The following EZR variants were observed in gnomAD, a reference collection of about 807,000 sequenced individuals.
EZR encodes the protein cytovillin 2.
A neutral mutation model predicts 74.8 loss-of-function variants in EZR; 40 were observed. The ratio of observed to expected loss-of-function variants is 0.53; its 90% CI spans 0.42 to 0.70. The LOEUF (loss-of-function observed/expected upper bound fraction) is 0.70. Ranked by LOEUF, EZR falls within the 30% of genes least tolerant of loss-of-function variation. EZR has a pLI of 0.00. For synonymous variants in EZR, 341 were observed against 283.3 expected (o/e 1.20, Z -2.05); for missense variants, 678 against 755.8 (o/e 0.90, Z 1.21).
chr6:158,818,708 C>G (rs1347728046), intron 1 of EZR, among the ~76,000 whole-genome samples: 1 of 147,226 alleles, frequency 6.8e-6, no homozygotes, highest in Non-Finnish European at 1.5e-5. Flanking sequence ...GGGGAAAGGC[C>G]CGGGGAGAGG....
intron 2 of EZR, among the ~76,000 whole-genome samples, chr6:158,792,243 C>A (rs973083452): frequency 2.0e-5 from 3 of 150,374 alleles, no homozygotes; most frequent in Non-Finnish European, 4.4e-5. Context: ...GAGATGGAGT[C>A]TCCTCTGTCG....
chr6:158,774,320 C>G (rs767775468), intron 8 of EZR, among the ~76,000 whole-genome samples: 5 of 152,144 alleles, frequency 3.3e-5, no homozygotes, highest in Non-Finnish European at 7.4e-5. Context: ...TGGCTCCTGC[C>G]CAACCTGCCT....
At chr6:158,812,666 A>G (rs1314629326) in intron 2 of EZR, among the ~76,000 whole-genome samples, 2 of 152,190 alleles carry the variant, frequency 1.3e-5, no homozygotes, top group African/African-American at 4.8e-5. Flanking sequence ...GTAATGAAAG[A>G]AGGCAAGGAC....
Position 158,810,887 on chromosome 6 carries a change from T to C in EZR, c.12+7195A>G, listed in dbSNP as rs141203065. Reference sequence around the variant, plus strand: ...TTATCTTATGTAACATTCTTTCCACTTAAAAACTAACTCCCATTTTACGGC... The same window carrying C: ...TTATCTTATGTAACATTCTTTCCACCTAAAAACTAACTCCCATTTTACGGC... On this transcript the variant is annotated intron_variant, in intron 2 of 13. Transcript: ENST00000367075. 8.5e-5 allele frequency among the ~76,000 whole-genome samples: 13 copies of C among 152,326 alleles called. No homozygotes were observed. The East Asian group carries it at 2.3e-3, about 27-fold the overall frequency.
chr6:158,767,335 T>A lies in EZR; in HGVS notation c.1522A>T (p.Ile508Phe). The A allele has an allele frequency of 1.2e-6, 2 of 1,614,120 alleles. No individual in the cohort carries two copies. Among genetic ancestry groups the A allele is most frequent in the East Asian group, 4.5e-5 (2 of 44,874 alleles). ...GYSAELSSEG[I>F]RDDRNEEKRI... ...TTCTCCTCATTGCGGTCATCCCGGA[T>A]GCCCTCACTAGACAGCTCCGCGCTG... Residue 508 changes from isoleucine (I) to phenylalanine (F), a missense_variant, in exon 13 of 14, where the codon ATC becomes TTC. Transcript: ENST00000367075.
At chr6:158,810,186 G>T (rs1285040941) in intron 2 of EZR, among the ~76,000 whole-genome samples, 1 of 152,106 alleles carries the variant, frequency 6.6e-6, no homozygotes, top group African/African-American at 2.4e-5. Context: ...TGCTTTTAAG[G>T]TTTTGTTTTC....
chr6:158,767,505 T>G lies in EZR; in HGVS notation c.1352A>C (p.Glu451Ala), dbSNP rs769531260. 1.4e-5 allele frequency: 22 copies of G among 1,579,764 alleles called. No homozygotes were observed. The highest frequency in any genetic ancestry group is 8.0e-5 in the South Asian group (7 of 87,100). ...EVEEWQHRAKEAQDDLVKTKE... is the reference protein window; with the variant it reads ...EVEEWQHRAKAAQDDLVKTKE... ...GGTCTTCACCAGGTCATCCTGGGCTTCTTTGGCCTTTGGAAAGCAAATTAA... is the reference window on the plus strand; with the variant it reads ...GGTCTTCACCAGGTCATCCTGGGCTGCTTTGGCCTTTGGAAAGCAAATTAA... The change falls in exon 13 of 14, where the codon GAA becomes GCA. Residue 451 changes from glutamate (E) to alanine (A), a missense_variant. Transcript: ENST00000367075.
chr6:158,771,899 TC>T (rs1791122757), intron 8 of EZR, among the ~76,000 whole-genome samples: 1 of 152,100 alleles, frequency 6.6e-6, no homozygotes, highest in African/African-American at 2.4e-5. Flanking sequence ...TATTTGGGCT[TC>T]CTGTCTCCTC....
At chr6:158,780,000 C>A (rs1039587455) in intron 7 of EZR, among the ~76,000 whole-genome samples, 61 of 151,934 alleles carry the variant, frequency 4.0e-4, no homozygotes, top group African/African-American at 1.3e-3. Flanking sequence ...CTGGCCAACA[C>A]AGTGAAACCC....
chr6:158,786,942 C>G (rs908546210), intron 4 of EZR, among the ~76,000 whole-genome samples, 166 bp downstream of exon 4: 3 of 152,162 alleles, frequency 2.0e-5, no homozygotes, highest in African/African-American at 7.2e-5. Context: ...GATTTCCAAT[C>G]GATATCTCCA....
intron 2 of EZR, among the ~76,000 whole-genome samples, chr6:158,816,897 C>A (rs1237465841): frequency 6.6e-6 from 1 of 152,076 alleles, no homozygotes; most frequent in Non-Finnish European, 1.5e-5. Context: ...ACCAGCCTGG[C>A]CAACATGGTG....
At chr6:158,813,237 C>T (rs937957768) in intron 2 of EZR, among the ~76,000 whole-genome samples, 3 of 152,226 alleles carry the variant, frequency 2.0e-5, no homozygotes, top group Admixed American at 6.5e-5. Context: ...AGGGAGGTCA[C>T]GTCCTCAAGG....
intron 10 of EZR, among the ~76,000 whole-genome samples, chr6:158,770,329 A>T (rs922292083): frequency 6.6e-6 from 1 of 152,142 alleles, no homozygotes; most frequent in African/African-American, 2.4e-5. Context: ...CGCCTTGTGT[A>T]ATCGGCCCAG....
At chr6:158,783,296 G>A (rs1338074764) in intron 7 of EZR, among the ~76,000 whole-genome samples, 1 of 150,756 alleles carries the variant, frequency 6.6e-6, no homozygotes, top group Non-Finnish European at 1.5e-5. Flanking sequence ...TACCAGGACT[G>A]AGCCCACTAT....
At position 158,814,366 on chromosome 6, in the gene EZR, CCCCATCA is replaced by C. The variant is rs1562509202; in HGVS notation, c.12+3709_12+3715del. Among the ~76,000 whole-genome samples the C allele has an allele frequency of 8.5e-3, 728 of 85,996 alleles. 3 individuals are homozygous for C. Among genetic ancestry groups the C allele is most frequent in the African/African-American group, 0.038 (685 of 17,914 alleles). 56.4% of individuals were successfully genotyped at this position (85,996 alleles called of 152,430 possible). ...TTTCCCCATCAGATGATTTTCCTTT[CCCCATCA>C]GATTTTCCTCTCGACGTTACCTAGG... is the stretch of plus-strand genomic sequence containing the variant. On this transcript the variant is annotated intron_variant, in intron 2 of 13. Transcript: ENST00000367075.
intron 3 of EZR, among the ~76,000 whole-genome samples, chr6:158,789,044 G>A (rs548678828): frequency 7.9e-5 from 12 of 152,244 alleles, no homozygotes; most frequent in African/African-American, 2.4e-4. Flanking sequence ...CACTGAATCC[G>A]CCTGACTTTA....
At chr6:158,810,957 C>T (rs919835230) in intron 2 of EZR, among the ~76,000 whole-genome samples, 6 of 152,150 alleles carry the variant, frequency 3.9e-5, no homozygotes, top group Non-Finnish European at 8.8e-5. Flanking sequence ...TCCCCAAATA[C>T]AGGTAAGCAG....
At position 158,769,722 on chromosome 6, in the gene EZR, T is replaced by C. The variant is rs182789608; in HGVS notation, c.1251+62A>G. ...CAATTATTACAAGGCAGGTGTCACA[T>C]TTTCCATCCTCAGAAGCAGCCTCTC... On this transcript the variant is annotated intron_variant, in intron 11 of 13. Coordinates refer to ENST00000367075, the MANE Select transcript of EZR (RefSeq NM_001111077.2). 8 of 1,590,808 alleles carry C rather than the reference T, an allele frequency of 5.0e-6. No individual in the cohort carries two copies. The East Asian group carries it at 1.6e-4, about 31-fold the overall frequency.
intron 2 of EZR, among the ~76,000 whole-genome samples, chr6:158,801,123 T>C (rs1777178015): frequency 6.6e-6 from 1 of 152,134 alleles, no homozygotes; most frequent in Non-Finnish European, 1.5e-5. Flanking sequence ...ACCCTGTCTT[T>C]TTAATTTTTT....
Sources: allele counts gnomAD v4.1 joint callset (sites outside exome capture counted in the v4.1 genomes callset), GRCh38; gene constraint gnomAD v4.1.1; transcripts MANE v1.5; gene names NCBI Gene and HGNC (gene_info 2026-07-23, HGNC 2026-07-21).